Variants in CADM1 observed in about 807,000 individuals in gnomAD.
CADM1 encodes cell adhesion molecule 1, also known as TSLC-1.
A neutral mutation model predicts 53.1 loss-of-function variants in CADM1; 15 were observed. The observed-to-expected ratio is 0.28, with a 90% CI of 0.19 to 0.44. The LOEUF (loss-of-function observed/expected upper bound fraction) is 0.44, where lower values mean the gene tolerates loss of function less well. Among genes scored for constraint, CADM1 ranks in the 20% least tolerant of loss-of-function variants. The pLI is 1.00. For synonymous variants in CADM1, 281 were observed against 243.0 expected, an observed-to-expected ratio of 1.16 and a Z score of -1.45; for missense variants, 434 against 611.3, an observed-to-expected ratio of 0.71 and a Z score of 3.06.
intron 5 of CADM1, 107 bp downstream of exon 5, chr11:115,229,006 A>G (rs1941718265): frequency 3.9e-6 from 4 of 1,014,820 alleles, no homozygotes; most frequent in Non-Finnish European, 6.0e-6. Context: ...CAAAAATAAG[A>G]ATTCTATGTA....
chr11:115,229,649 C>G (rs1263242252), intron 4 of CADM1, among the ~76,000 whole-genome samples: 2 of 152,154 alleles, frequency 1.3e-5, no homozygotes, highest in Non-Finnish European at 2.9e-5. Flanking sequence ...TTTTTCACCC[C>G]TACAACCATC....
intron 1 of CADM1, among the ~76,000 whole-genome samples, chr11:115,437,277 T>C (rs559264223): frequency 6.6e-6 from 1 of 152,192 alleles, no homozygotes; most frequent in Non-Finnish European, 1.5e-5. Context: ...TGTTCAATCC[T>C]TTCTTGGTCT....
At chr11:115,438,106 C>T (rs1253873853) in intron 1 of CADM1, among the ~76,000 whole-genome samples, 1 of 152,132 alleles carries the variant, frequency 6.6e-6, no homozygotes, top group Non-Finnish European at 1.5e-5. Context: ...AACAAAATTA[C>T]TATTGATCTG....
intron 1 of CADM1, among the ~76,000 whole-genome samples, chr11:115,258,677 C>T (rs923994985): frequency 1.3e-5 from 2 of 152,202 alleles, no homozygotes; most frequent in South Asian, 2.1e-4. Flanking sequence ...TTTATTATAA[C>T]GTGTTACCAA....
Position 115,303,308 on chromosome 11 carries a change from A to G in CADM1, c.125-62888T>C, listed in dbSNP as rs190045788. Reference sequence around the variant, plus strand: ...AATCACTGAGATTTTCTATGCCTGCATTTGAAAAAATGATGTTTTTGCCCA... The same window carrying G: ...AATCACTGAGATTTTCTATGCCTGCGTTTGAAAAAATGATGTTTTTGCCCA... On this transcript the variant is annotated intron_variant, in intron 1 of 11. Coordinates refer to ENST00000331581, the MANE Select transcript of CADM1 (RefSeq NM_001301043.2). 2.0e-4 allele frequency among the ~76,000 whole-genome samples: 31 copies of G among 152,162 alleles called. No homozygotes were observed. In the East Asian group the frequency reaches 5.0e-3, roughly 25 times the overall value.
At chr11:115,372,996 A>T (rs748109555) in intron 1 of CADM1, among the ~76,000 whole-genome samples, 2 of 152,240 alleles carry the variant, frequency 1.3e-5, no homozygotes, top group Non-Finnish European at 2.9e-5. Context: ...GAAAAGGAAC[A>T]AGGGTACAAG....
At chr11:115,346,997 G>A (rs1945596099) in intron 1 of CADM1, among the ~76,000 whole-genome samples, 1 of 152,076 alleles carries the variant, frequency 6.6e-6, no homozygotes, top group African/African-American at 2.4e-5. Flanking sequence ...GAAAGAGACA[G>A]AACGAAATTT....
rs564184157 is a variant in CADM1 at position 115,266,834 on chromosome 11, TAA to T, written c.125-26416_125-26415del. 1.7e-3 allele frequency among the ~76,000 whole-genome samples: 259 copies of T among 152,362 alleles called. 2 individuals carry two copies. The highest frequency in any genetic ancestry group is 6.0e-3 in the African/African-American group (249 of 41,592). ...TTAACTACCTGCATATATAAATGTT[TAA>T]AAAGTTTCTGAAACCTGCCTTTGCA... On this transcript the variant is annotated intron_variant, in intron 1 of 11. Transcript: ENST00000331581.
At chr11:115,321,294 C>G (rs989430413) in intron 1 of CADM1, among the ~76,000 whole-genome samples, 1 of 152,172 alleles carries the variant, frequency 6.6e-6, no homozygotes, top group Admixed American at 6.6e-5. Context: ...TCTATATTAT[C>G]TCTGCTTAGG....
chr11:115,303,006 C>G (rs1272817493), intron 1 of CADM1, among the ~76,000 whole-genome samples: 1 of 152,048 alleles, frequency 6.6e-6, no homozygotes, highest in Non-Finnish European at 1.5e-5. Context: ...GAAAACAAAC[C>G]AACTGAGAAA....
At chr11:115,482,160 GCTAT>G (rs1436708356) in intron 1 of CADM1, among the ~76,000 whole-genome samples, 2 of 151,926 alleles carry the variant, frequency 1.3e-5, no homozygotes, top group African/African-American at 4.8e-5. Flanking sequence ...TCTCTATCTG[GCTAT>G]CTCCTACCTA....
In CADM1 at chr11:115,171,512, C is replaced by A. The variant is rs1009855762; in HGVS notation, c.*4962G>T. ...CCAGGCCAAAACATTTGTGAAAACT[C>A]TCTGGGGGAAACGAGGGCCATTTTC... On this transcript the variant is annotated 3_prime_UTR_variant, in exon 12 of 12. Coordinates refer to ENST00000331581, the MANE Select transcript of CADM1 (RefSeq NM_001301043.2). 2.0e-5 allele frequency: 3 copies of A among 152,212 alleles called. No homozygotes were observed. Among genetic ancestry groups the A allele is most frequent in the African/African-American group, 7.2e-5 (3 of 41,438 alleles). The allele number at this position is 152,212 out of a possible 1,614,324, so 9.4% of individuals were successfully genotyped here.
intron 1 of CADM1, among the ~76,000 whole-genome samples, chr11:115,480,080 G>T (rs1417044846): frequency 6.6e-6 from 1 of 152,142 alleles, no homozygotes; most frequent in Non-Finnish European, 1.5e-5. Flanking sequence ...AAACATTTCA[G>T]CATTTAAGTT....
intron 8 of CADM1, among the ~76,000 whole-genome samples, chr11:115,200,480 C>A: frequency 6.6e-6 from 1 of 152,156 alleles, no homozygotes; most frequent in East Asian, 1.9e-4. Context: ...AGTAGCTCTT[C>A]TAATGTGCTT....
intron 7 of CADM1, among the ~76,000 whole-genome samples, chr11:115,211,487 T>TTG (rs1940959419): frequency 6.9e-6 from 1 of 145,314 alleles, no homozygotes; most frequent in Non-Finnish European, 1.5e-5. Context: ...TTTTTTTTTT[T>TTG]TTTTTTTTTT....
intron 1 of CADM1, among the ~76,000 whole-genome samples, chr11:115,264,883 CG>C (rs1259303809): frequency 6.6e-6 from 1 of 151,938 alleles, no homozygotes; most frequent in Non-Finnish European, 1.5e-5. Context: ...AAGCTGGAAT[CG>C]GGTGGGAATG....
chr11:115,471,448 T>C (rs1051293192), intron 1 of CADM1, among the ~76,000 whole-genome samples: 1 of 152,132 alleles, frequency 6.6e-6, no homozygotes, highest in African/African-American at 2.4e-5. Context: ...GTATTCAAAA[T>C]GAAAAAGCTC....
At chr11:115,404,844 GAAAAAAAAAAA>G (rs774430187) in intron 1 of CADM1, among the ~76,000 whole-genome samples, 1 of 52,348 alleles carries the variant, frequency 1.9e-5, no homozygotes, top group African/African-American at 6.6e-5. Flanking sequence ...CCTGCCTCAG[GAAAAAAAAAAA>G]AAAAAAAAAG....
At chr11:115,192,656 C>T (rs567567218) in intron 9 of CADM1, among the ~76,000 whole-genome samples, 2 of 152,286 alleles carry the variant, frequency 1.3e-5, no homozygotes, top group East Asian at 3.9e-4. Flanking sequence ...GTGCTTGGTG[C>T]CCACTGAACC....
Sources: allele counts gnomAD v4.1 joint callset (sites outside exome capture counted in the v4.1 genomes callset), GRCh38; gene constraint gnomAD v4.1.1; transcripts MANE v1.5; gene names NCBI Gene and HGNC (gene_info 2026-07-23, HGNC 2026-07-21).